The following LRPPRC variants were observed in gnomAD, a reference collection of about 807,000 sequenced individuals.
The protein encoded by LRPPRC is leucine rich pentatricopeptide repeat containing.
In LRPPRC, 120 loss-of-function variants were observed where a neutral mutation model predicts 180.3. The ratio of observed to expected loss-of-function variants is 0.67; its 90% CI spans 0.57 to 0.77. LRPPRC has a LOEUF of 0.77. LRPPRC is among the 30% of genes least tolerant of loss of function. The probability of loss-of-function intolerance (pLI) is 0.00; values close to 1 mark genes in which losing one functional copy is unlikely to be tolerated. For missense variants in LRPPRC, 2,012 were observed against 1,657.2 expected (o/e 1.21, Z -3.72); for synonymous variants, 723 against 600.0 (o/e 1.21, Z -3.00).
At chr2:43,982,933 T>TG (rs1456913926) in intron 1 of LRPPRC, among the ~76,000 whole-genome samples, 1 of 97,926 alleles carries the variant, frequency 1.0e-5, no homozygotes, top group Non-Finnish European at 2.1e-5. Flanking sequence ...CGATGCAGGG[T>TG]TTTTTTTTTT....
At chr2:43,963,920 C>T (rs2103674162) in intron 11 of LRPPRC, 1 of 587,432 alleles carries the variant, frequency 1.7e-6, no homozygotes, top group East Asian at 2.9e-5. Flanking sequence ...CAGTAAATTT[C>T]AAGAAACTAT....
intron 5 of LRPPRC, 26 bp from the exon 6 acceptor site, chr2:43,976,255 A>T: frequency 8.0e-7 from 1 of 1,242,524 alleles, no homozygotes; most frequent in Non-Finnish European, 1.2e-6. Flanking sequence ...GAAGATACTC[A>T]TTGAAAGTAT....
intron 25 of LRPPRC, 99 bp downstream of exon 25, chr2:43,934,091 G>C (rs1672185525): frequency 1.4e-6 from 1 of 719,682 alleles, no homozygotes; most frequent in East Asian, 2.7e-5. Context: ...CTATTAACAT[G>C]AATCAGAACA....
At chr2:43,976,361 C>CA in intron 5 of LRPPRC, 132 bp from the exon 6 acceptor site, 1 of 654,164 alleles carries the variant, frequency 1.5e-6, no homozygotes, top group Non-Finnish European at 2.7e-6. Flanking sequence ...TTAGAAACCA[C>CA]AAAGAAAGAA....
rs1331557770 is a variant in LRPPRC, at chr2:43,918,417, C to T, written c.2897-19G>A. On this transcript the variant is annotated intron_variant, in intron 27 of 37. Coordinates refer to ENST00000260665, the MANE Select transcript of LRPPRC (RefSeq NM_133259.4). ...TTTATTTCTGTAGAATTTGATTAAG[C>T]AGAAATTAATCAATAAATATGCTAA... 2 of 1,570,534 alleles carry T rather than the reference C, an allele frequency of 1.3e-6. No individual in the cohort carries two copies. The highest frequency in any genetic ancestry group is 1.1e-5 in the South Asian group (1 of 90,186).
chr2:43,894,863 G>A (rs1180099025), intron 35 of LRPPRC, among the ~76,000 whole-genome samples: 2 of 152,150 alleles, frequency 1.3e-5, no homozygotes, highest in Non-Finnish European at 2.9e-5. Context: ...ACATTTCTAT[G>A]AATATTTTTC....
chr2:43,991,645 C>T (rs1674786727), intron 1 of LRPPRC, among the ~76,000 whole-genome samples: 1 of 152,098 alleles, frequency 6.6e-6, no homozygotes, highest in African/African-American at 2.4e-5. Flanking sequence ...TCAAAGAGAA[C>T]AGAGTAAAAG....
intron 11 of LRPPRC, among the ~76,000 whole-genome samples, chr2:43,966,857 C>T (rs879909115): frequency 4.0e-5 from 6 of 151,874 alleles, no homozygotes; most frequent in Non-Finnish European, 5.9e-5. Flanking sequence ...TTGAGACCAG[C>T]CTGGCCAACA....
intron 30 of LRPPRC, among the ~76,000 whole-genome samples, chr2:43,909,237 A>C (rs542844426): frequency 6.6e-6 from 1 of 152,356 alleles, no homozygotes; most frequent in South Asian, 2.1e-4. Flanking sequence ...TAGATATAAC[A>C]TTTTATTGGT....
At chr2:43,926,713 A>G (rs1671892330) in intron 25 of LRPPRC, among the ~76,000 whole-genome samples, 1 of 152,188 alleles carries the variant, frequency 6.6e-6, no homozygotes, top group Admixed American at 6.5e-5. Flanking sequence ...ACACACACAC[A>G]TACACTTTAT....
chr2:43,990,536 A>G (rs1174580085), intron 1 of LRPPRC, among the ~76,000 whole-genome samples: 2 of 152,118 alleles, frequency 1.3e-5, no homozygotes, highest in Admixed American at 6.5e-5. Context: ...CAAGAAATCA[A>G]CTTCCACCAC....
chr2:43,977,357 A>T, intron 3 of LRPPRC, 81 bp from the exon 4 acceptor site: 2 of 1,095,538 alleles, frequency 1.8e-6, no homozygotes, highest in Non-Finnish European at 2.8e-6. Flanking sequence ...TTAACAAACA[A>T]AAAGAGTAAA....
At chr2:43,994,342 A>T (rs990862970) in intron 1 of LRPPRC, among the ~76,000 whole-genome samples, 2 of 152,208 alleles carry the variant, frequency 1.3e-5, no homozygotes, top group African/African-American at 4.8e-5. Flanking sequence ...TTTTATGGCG[A>T]GATTAGGTGT....
At chr2:43,905,619 G>A (rs544813944) in intron 31 of LRPPRC, 73 bp downstream of exon 31, 1 of 1,057,976 alleles carries the variant, frequency 9.5e-7, no homozygotes, top group African/African-American at 1.5e-5. Flanking sequence ...CTTTATCCAA[G>A]TATTCGAAGG....
chr2:43,958,250 ATAGAGT>A (rs1402716717), intron 13 of LRPPRC, among the ~76,000 whole-genome samples: 2 of 152,218 alleles, frequency 1.3e-5, no homozygotes, highest in African/African-American at 2.4e-5. Context: ...GTTATAAGTA[ATAGAGT>A]TAATCTTTTC....
At position 43,921,401 on chromosome 2, in the gene LRPPRC, G is replaced by A. The variant is rs148241143; in HGVS notation, c.2897-3003C>T. Among the ~76,000 whole-genome samples, 798 of 152,154 alleles carry A rather than the reference G, an allele frequency of 5.2e-3. 5 individuals carry two copies. The highest frequency in any genetic ancestry group is 0.017 in the Middle Eastern group (5 of 294). ...TTAAGGATACCAGCAGTTAAGATTC[G>A]TATTAAAAGGGAGAAAAAGCAAGTA... is the stretch of plus-strand genomic sequence containing the variant. On this transcript the variant is annotated intron_variant, in intron 27 of 37. Coordinates refer to ENST00000260665, the MANE Select transcript of LRPPRC (RefSeq NM_133259.4).
chr2:43,898,239 T>G (rs951533061), intron 34 of LRPPRC, among the ~76,000 whole-genome samples: 12 of 152,140 alleles, frequency 7.9e-5, no homozygotes, highest in African/African-American at 2.9e-4. Context: ...TTTCAGGTAT[T>G]CCTTTTAAAA....
At chr2:43,951,887 TTACTGTCAAA>T (rs1177236907) in intron 14 of LRPPRC, among the ~76,000 whole-genome samples, 1 of 152,210 alleles carries the variant, frequency 6.6e-6, no homozygotes, top group Non-Finnish European at 1.5e-5. Flanking sequence ...AAGTATCAAC[TTACTGTCAAA>T]TAAAAAATAG....
At chr2:43,954,668 C>T (rs1559004176) in intron 14 of LRPPRC, among the ~76,000 whole-genome samples, 2 of 152,134 alleles carry the variant, frequency 1.3e-5, no homozygotes. Context: ...TATGTACACA[C>T]ATGTGCATGC....
Sources: allele counts gnomAD v4.1 joint callset (sites outside exome capture counted in the v4.1 genomes callset), GRCh38; gene constraint gnomAD v4.1.1; transcripts MANE v1.5; gene names NCBI Gene and HGNC (gene_info 2026-07-23, HGNC 2026-07-21).